TSHZ1: variants seen among roughly 807,000 people sequenced by gnomAD.
The protein encoded by TSHZ1 is teashirt homolog 1.
TSHZ1 carries 12 observed loss-of-function variants against 67.1 expected under a neutral mutation model. The ratio of observed to expected loss-of-function variants is 0.18; its 90% CI spans 0.11 to 0.29. The LOEUF is 0.29. TSHZ1 is among the 10% of genes least tolerant of loss of function. The pLI, the probability that TSHZ1 is intolerant of heterozygous loss-of-function variation, is 1.00. For missense variants in TSHZ1, 1,305 were observed against 1,413.9 expected, an observed-to-expected ratio of 0.92 and a Z score of 1.23; for synonymous variants, 632 against 622.4, an observed-to-expected ratio of 1.02 and a Z score of -0.23.
intron 1 of TSHZ1, among the ~76,000 whole-genome samples, chr18:75,223,524 C>T (rs2022876736): frequency 6.6e-6 from 1 of 152,066 alleles, no homozygotes; most frequent in South Asian, 2.1e-4. Context: ...CCTTCAGTTC[C>T]ATTTCAACAG....
chr18:75,219,430 G>T (rs141866254), intron 1 of TSHZ1, among the ~76,000 whole-genome samples: 1 of 152,174 alleles, frequency 6.6e-6, no homozygotes, highest in African/African-American at 2.4e-5. Flanking sequence ...TTGCAGGAGC[G>T]ATAACACTCC....
chr18:75,273,942 C>T (rs1383287344), intron 1 of TSHZ1, among the ~76,000 whole-genome samples: 2 of 152,242 alleles, frequency 1.3e-5, no homozygotes, highest in African/African-American at 4.8e-5. Context: ...CACACTCACA[C>T]CTGTGTGCGC....
chr18:75,227,466 A>G (rs962238283), intron 1 of TSHZ1, among the ~76,000 whole-genome samples: 2 of 152,144 alleles, frequency 1.3e-5, no homozygotes, highest in African/African-American at 4.8e-5. Context: ...CTTTTTATAT[A>G]AGTTCCCAAA....
Position 75,287,689 on chromosome 18 carries a change from C to G in TSHZ1, c.2282C>G (p.Ser761Cys). The G allele has an allele frequency of 1.2e-6, 2 of 1,614,204 alleles. No homozygotes were observed. Among genetic ancestry groups the G allele is most frequent in the Non-Finnish European group, 1.7e-6 (2 of 1,180,046 alleles). ...SIMNTHLGKV[S>C]KPVSPSLDPL... ...ATGAACACCCACCTGGGCAAGGTGT[C>G]CAAGCCCGTGAGTCCCTCGCTGGAC... Residue 761 changes from serine to cysteine, a missense_variant, in exon 2 of 2, where the codon TCC becomes TGC. This residue lies in a region of TSHZ1 where 909 missense variants were observed against 961.8 expected (regional missense o/e 0.95). Transcript: ENST00000580243. The surrounding 1 kb of genome is among the most constrained non-coding windows in gnomAD (Gnocchi z 5.0).
At chr18:75,251,475 CATT>C (rs1386213398) in intron 1 of TSHZ1, among the ~76,000 whole-genome samples, 2 of 139,636 alleles carry the variant, frequency 1.4e-5, no homozygotes, top group Non-Finnish European at 3.1e-5. Flanking sequence ...TATACATTTT[CATT>C]ATTCTTTCTT....
chr18:75,224,968 AT>A (rs1239156051), intron 1 of TSHZ1, among the ~76,000 whole-genome samples: 1 of 152,074 alleles, frequency 6.6e-6, no homozygotes, highest in African/African-American at 2.4e-5. Flanking sequence ...AGTCGCCGTC[AT>A]GAAGCAACAG....
At chr18:75,241,056 A>G (rs912634026) in intron 1 of TSHZ1, among the ~76,000 whole-genome samples, 2 of 152,142 alleles carry the variant, frequency 1.3e-5, no homozygotes, top group Admixed American at 1.3e-4. Flanking sequence ...TGGCCATGGG[A>G]CAGTCATTTG....
chr18:75,288,013 G>C lies in TSHZ1; in HGVS notation c.2606G>C (p.Gly869Ala), dbSNP rs1390515868. 1 of 1,614,182 alleles carries C rather than the reference G, an allele frequency of 6.2e-7. No homozygotes were observed. Among genetic ancestry groups the C allele is most frequent in the Non-Finnish European group, 8.5e-7 (1 of 1,180,042 alleles). ...STVSEKSDADGSSFEEALDEL... is the reference protein window; with the variant it reads ...STVSEKSDADASSFEEALDEL... Reference sequence around the variant, plus strand: ...GTTTCAGAGAAGTCCGATGCTGATGGCAGCAGCTTTGAGGAGGCGTTGGAC... The same window carrying C: ...GTTTCAGAGAAGTCCGATGCTGATGCCAGCAGCTTTGAGGAGGCGTTGGAC... The change falls in exon 2 of 2, where the codon GGC becomes GCC. Residue 869 changes from glycine (G) to alanine (A), a missense_variant. By Grantham distance (60) the Gly-to-Ala change is moderately conservative. Coordinates refer to ENST00000580243, the MANE Select transcript of TSHZ1 (RefSeq NM_001308210.2). The surrounding 1 kb of genome is among the most constrained non-coding windows in gnomAD (Gnocchi z 4.9).
chr18:75,285,406 A>G, intron 1 of TSHZ1, 42 bp from the exon 2 acceptor site: 3 of 1,421,394 alleles, frequency 2.1e-6, no homozygotes, highest in African/African-American at 1.4e-5. Flanking sequence ...CTCTTTGAAG[A>G]TGATTTACTT....
At chr18:75,218,689 G>C (rs1866731) in intron 1 of TSHZ1, among the ~76,000 whole-genome samples, 1 of 152,216 alleles carries the variant, frequency 6.6e-6, no homozygotes, top group East Asian at 1.9e-4. Flanking sequence ...CTGCACCCAC[G>C]TCAGTTCTTA....
In TSHZ1 at chr18:75,256,357, GT is replaced by G. The variant is rs2023361594; in HGVS notation, c.41-29090del. Among the ~76,000 whole-genome samples the G allele has an allele frequency of 4.6e-5, 7 of 152,328 alleles. No homozygotes were observed. In the South Asian group the frequency reaches 1.2e-3, roughly 27 times the overall value. On this transcript the variant is annotated intron_variant, in intron 1 of 1. Transcript: ENST00000580243. ...GACAGATCAAAGTGTTCTAGGTCTG[GT>G]CATAGCAGATCAGCTGGGTCACAGA... is the stretch of plus-strand genomic sequence containing the variant.
At chr18:75,264,806 A>AT (rs1391657247) in intron 1 of TSHZ1, among the ~76,000 whole-genome samples, 1 of 152,170 alleles carries the variant, frequency 6.6e-6, no homozygotes, top group Non-Finnish European at 1.5e-5. Context: ...CAAATCTGTT[A>AT]TTTTAGAAGG....
At chr18:75,242,275 C>T (rs1482401630) in intron 1 of TSHZ1, among the ~76,000 whole-genome samples, 2 of 152,174 alleles carry the variant, frequency 1.3e-5, no homozygotes, top group African/African-American at 4.8e-5. Flanking sequence ...GTCCTCTTGA[C>T]CATGTGGTGT....
intron 1 of TSHZ1, among the ~76,000 whole-genome samples, chr18:75,230,586 A>G (rs1259039540): frequency 6.6e-6 from 1 of 152,118 alleles, no homozygotes; most frequent in Non-Finnish European, 1.5e-5. Flanking sequence ...TCATCCATCA[A>G]TTTTTAGTTG....
Position 75,288,546 on chromosome 18 carries a change from G to A in TSHZ1, c.3139G>A (p.Ala1047Thr), listed in dbSNP as rs746582942. Reference sequence around the variant, plus strand: ...ATGTAAGCTCTGCAACCGGACTTTTGCGAGCAAGCACGCAGTCAAACTGCA... The same window carrying A: ...ATGTAAGCTCTGCAACCGGACTTTTACGAGCAAGCACGCAGTCAAACTGCA... The part of the protein sequence containing the change: ...FQCKLCNRTF[A>T]SKHAVKLHLS... The change falls in exon 2 of 2, where the codon GCG becomes ACG. Residue 1047 changes from alanine (A) to threonine (T), a missense_variant. By Grantham distance (58) the Ala-to-Thr change is moderately conservative (BLOSUM62 0). Transcript: ENST00000580243. The surrounding 1 kb of genome is among the most constrained non-coding windows in gnomAD (Gnocchi z 4.9). 25 of 1,614,104 alleles carry A rather than the reference G, an allele frequency of 1.5e-5. No homozygotes were observed. The South Asian group carries it at 2.7e-4, about 18-fold the overall frequency.
At chr18:75,267,605 T>G (rs1363056309) in intron 1 of TSHZ1, among the ~76,000 whole-genome samples, 1 of 152,134 alleles carries the variant, frequency 6.6e-6, no homozygotes, top group Non-Finnish European at 1.5e-5. Flanking sequence ...CTTTCCTAAA[T>G]GGAGTGAATA....
At chr18:75,214,003 C>T (rs1233128845) in intron 1 of TSHZ1, among the ~76,000 whole-genome samples, 1 of 152,092 alleles carries the variant, frequency 6.6e-6, no homozygotes, top group Non-Finnish European at 1.5e-5. Context: ...TCCAAGTGTC[C>T]TGTGTTTTGA....
chr18:75,217,236 T>C (rs1052068110), intron 1 of TSHZ1, among the ~76,000 whole-genome samples: 2 of 152,210 alleles, frequency 1.3e-5, no homozygotes, highest in Non-Finnish European at 2.9e-5. Context: ...TCCCAAGAAA[T>C]AGATAATCAT....
At chr18:75,279,690 A>G (rs2023661685) in intron 1 of TSHZ1, among the ~76,000 whole-genome samples, 1 of 152,212 alleles carries the variant, frequency 6.6e-6, no homozygotes, top group Non-Finnish European at 1.5e-5. Flanking sequence ...CAACCCAGAC[A>G]CCATCTGCAT....
Sources: gnomAD v4.1 joint callset for allele counts (sites outside exome capture counted in the v4.1 genomes callset) on GRCh38, gnomAD v4.1.1 for gene constraint, gnomAD v4.1.1 regional missense constraint, Gnocchi (gnomAD v3.1) non-coding constraint, MANE v1.5 for transcripts, NCBI Gene and HGNC (gene_info 2026-07-23, HGNC 2026-07-21) for gene names.